The following CNTNAP2 variants were observed in gnomAD, a reference collection of about 807,000 sequenced individuals.
The protein encoded by CNTNAP2 is contactin associated protein 2, also known as contactin-associated protein-like 2.
A neutral mutation model predicts 155.2 loss-of-function variants in CNTNAP2; 98 were observed. The ratio of observed to expected loss-of-function variants is 0.63; its 90% confidence interval spans 0.54 to 0.75. CNTNAP2 has a LOEUF of 0.75. Among genes scored for constraint, CNTNAP2 ranks in the 30% least tolerant of loss-of-function variants. The pLI is 0.00. For synonymous variants in CNTNAP2, 651 were observed against 631.2 expected, an observed-to-expected ratio of 1.03 and a Z score of -0.47; for missense variants, 1,727 against 1,688.1, an observed-to-expected ratio of 1.02 and a Z score of -0.40.
At chr7:146,426,326 C>T (rs981757101) in intron 1 of CNTNAP2, among the ~76,000 whole-genome samples, 2 of 150,402 alleles carry the variant, frequency 1.3e-5, no homozygotes, top group Non-Finnish European at 3.0e-5. Context: ...CTGTTTTAGG[C>T]TCACGTTTGC....
intron 8 of CNTNAP2, among the ~76,000 whole-genome samples, chr7:147,158,202 T>A (rs920650767): frequency 6.6e-6 from 1 of 152,092 alleles, no homozygotes; most frequent in East Asian, 1.9e-4. Context: ...TAACTCTACA[T>A]TTTAGGTTTT....
intron 12 of CNTNAP2, among the ~76,000 whole-genome samples, chr7:147,571,323 C>T (rs933828321): frequency 6.5e-5 from 9 of 139,334 alleles, no homozygotes; most frequent in African/African-American, 1.9e-4. Flanking sequence ...TTCCTGTGTC[C>T]ATGTGTTCTC....
intron 15 of CNTNAP2, among the ~76,000 whole-genome samples, chr7:147,998,310 A>T (rs1256637282): frequency 6.6e-6 from 1 of 151,724 alleles, no homozygotes; most frequent in African/African-American, 2.4e-5. Context: ...ACGGGGTTTC[A>T]CCGTGTTGGC....
At position 148,021,541 on chromosome 7, in the gene CNTNAP2, C is replaced by G. The variant is rs1479009258; in HGVS notation, c.2383+43552C>G. 2.0e-5 allele frequency among the ~76,000 whole-genome samples: 3 copies of G among 152,186 alleles called. No individual in the cohort carries two copies. In the East Asian group the frequency reaches 5.8e-4, roughly 29 times the overall value. ...CTAGGGTGCCAGAGTGGAGAAAACACCTGACTTGTGGGAGAACGGAAGGCC... is the reference window on the plus strand; with the variant it reads ...CTAGGGTGCCAGAGTGGAGAAAACAGCTGACTTGTGGGAGAACGGAAGGCC... On this transcript the variant is annotated intron_variant, in intron 15 of 23. Transcript: ENST00000361727.
chr7:148,202,999 G>A (rs376430472), intron 18 of CNTNAP2, among the ~76,000 whole-genome samples: 11 of 151,982 alleles, frequency 7.2e-5, no homozygotes, highest in South Asian at 6.2e-4. Flanking sequence ...AGGATCTCTC[G>A]ATAAATCATA....
intron 3 of CNTNAP2, among the ~76,000 whole-genome samples, chr7:147,014,901 A>G (rs1798691948): frequency 6.6e-6 from 1 of 152,308 alleles, no homozygotes; most frequent in South Asian, 2.1e-4. Context: ...TGACTGCTCT[A>G]ATTGAGATGC....
intron 18 of CNTNAP2, among the ~76,000 whole-genome samples, chr7:148,213,840 G>A (rs1272294415): frequency 6.6e-6 from 1 of 152,176 alleles, no homozygotes; most frequent in African/African-American, 2.4e-5. Flanking sequence ...CTGAGGGCAG[G>A]GGTCACCTGT....
chr7:147,898,692 G>A (rs1799811716), intron 13 of CNTNAP2, among the ~76,000 whole-genome samples: 1 of 152,012 alleles, frequency 6.6e-6, no homozygotes, highest in African/African-American at 2.4e-5. Flanking sequence ...GCTAATTTTT[G>A]TAGTTTTAGT....
intron 13 of CNTNAP2, among the ~76,000 whole-genome samples, chr7:147,891,955 A>C (rs905418428): frequency 2.6e-5 from 4 of 152,242 alleles, no homozygotes; most frequent in Non-Finnish European, 5.9e-5. Context: ...TGTATGAAGA[A>C]TGATTTATCA....
chr7:147,639,223 T>C lies in CNTNAP2; in HGVS notation c.2015T>C (p.Ile672Thr), dbSNP rs1293660575. The change falls in exon 13 of 24, where the codon ATA becomes ACA. Residue 672 changes from isoleucine to threonine, a missense_variant. By Grantham distance (89) the Ile-to-Thr change is moderately conservative. Coordinates refer to ENST00000361727, the MANE Select transcript of CNTNAP2 (RefSeq NM_014141.6). ...QLVYSASMDQ[I>T]SAITDSAEYC... Reference sequence around the variant, plus strand: ...GTTTACAGCGCCTCCATGGACCAGATAAGTGCCATCACTGACAGTGCCGAG... The same window carrying C: ...GTTTACAGCGCCTCCATGGACCAGACAAGTGCCATCACTGACAGTGCCGAG... 1.2e-6 allele frequency: 2 copies of C among 1,614,116 alleles called. No homozygotes were observed. The highest frequency in any genetic ancestry group is 1.1e-5 in the South Asian group (1 of 91,084).
chr7:146,261,856 A>C (rs1799923882), intron 1 of CNTNAP2, among the ~76,000 whole-genome samples: 1 of 152,176 alleles, frequency 6.6e-6, no homozygotes. Flanking sequence ...GAAGGTTTTG[A>C]ATATTTTATG....
intron 12 of CNTNAP2, among the ~76,000 whole-genome samples, chr7:147,617,005 C>T (rs1348081059): frequency 2.0e-5 from 3 of 152,176 alleles, no homozygotes; most frequent in Admixed American, 6.6e-5. Context: ...ACCTATGCTG[C>T]AATCTTATAG....
At chr7:148,092,249 T>C (rs1276494569) in intron 15 of CNTNAP2, among the ~76,000 whole-genome samples, 1 of 152,172 alleles carries the variant, frequency 6.6e-6, no homozygotes, top group Non-Finnish European at 1.5e-5. Flanking sequence ...GAATGTTACA[T>C]TGTGTTTGAT....
intron 14 of CNTNAP2, among the ~76,000 whole-genome samples, chr7:147,940,533 T>C (rs923602921): frequency 6.6e-6 from 1 of 152,000 alleles, no homozygotes; most frequent in African/African-American, 2.4e-5. Context: ...TTTAATTATT[T>C]ATTTATTTAT....
chr7:146,171,791 C>T (rs527470496), intron 1 of CNTNAP2, among the ~76,000 whole-genome samples: 1 of 152,040 alleles, frequency 6.6e-6, no homozygotes, highest in South Asian at 2.1e-4. Flanking sequence ...AAATGAACAT[C>T]ATATATTTTT....
At chr7:148,264,047 T>G (rs941565937) in intron 20 of CNTNAP2, among the ~76,000 whole-genome samples, 1 of 151,464 alleles carries the variant, frequency 6.6e-6, no homozygotes, top group Non-Finnish European at 1.5e-5. Flanking sequence ...CAACTGTTAA[T>G]GTCAATTATC....
intron 21 of CNTNAP2, among the ~76,000 whole-genome samples, chr7:148,344,559 T>C (rs564010184): frequency 1.3e-5 from 2 of 152,294 alleles, no homozygotes; most frequent in African/African-American, 4.8e-5. Flanking sequence ...TCTGCCCCCT[T>C]GCTTGGAATG....
At chr7:148,263,464 T>C (rs113090874) in intron 20 of CNTNAP2, among the ~76,000 whole-genome samples, 14,007 of 150,684 alleles carry the variant, frequency 0.093, 1,110 homozygotes, top group African/African-American at 0.22. Flanking sequence ...AGTGGCCGGG[T>C]GCGGTGGCTC....
At chr7:147,474,025 G>T (rs929881485) in intron 10 of CNTNAP2, among the ~76,000 whole-genome samples, 1 of 152,096 alleles carries the variant, frequency 6.6e-6, no homozygotes, top group East Asian at 1.9e-4. Context: ...GTTGTGGTGA[G>T]CCGAGATCGC....
Sources: gnomAD v4.1 joint callset for allele counts (sites outside exome capture counted in the v4.1 genomes callset) on GRCh38, gnomAD v4.1.1 for gene constraint, MANE v1.5 for transcripts, NCBI Gene and HGNC (gene_info 2026-07-23, HGNC 2026-07-21) for gene names.